Variants in PRRC2B observed in about 807,000 individuals in gnomAD.
PRRC2B encodes protein PRRC2B.
PRRC2B carries 68 observed loss-of-function variants against 242.3 expected under a neutral mutation model. The ratio of observed to expected loss-of-function variants is 0.28; its 90% CI spans 0.23 to 0.34. PRRC2B has a LOEUF of 0.34. PRRC2B is among the 10% of genes least tolerant of loss of function. The probability of loss-of-function intolerance (pLI) is 1.00; values close to 1 mark genes in which losing one functional copy is unlikely to be tolerated. For synonymous variants in PRRC2B, 1,228 were observed against 1,173.6 expected (o/e 1.05, Z -0.95); for missense variants, 2,835 against 2,954.8 (o/e 0.96, Z 0.94).
chr9:131,424,262 G>T (rs781021379), intron 1 of PRRC2B, among the ~76,000 whole-genome samples: 8 of 152,092 alleles, frequency 5.3e-5, no homozygotes, highest in Non-Finnish European at 1.0e-4. Flanking sequence ...TATTTCTGTG[G>T]CTGTCAGTTG....
chr9:131,401,243 AC>A (rs1400163431), intron 1 of PRRC2B, among the ~76,000 whole-genome samples: 1 of 152,110 alleles, frequency 6.6e-6, no homozygotes, highest in Non-Finnish European at 1.5e-5. Context: ...GGCGTGAAGC[AC>A]TTTCACAGTG....
chr9:131,458,276 C>T (rs935591524), intron 10 of PRRC2B, among the ~76,000 whole-genome samples: 1 of 152,090 alleles, frequency 6.6e-6, no homozygotes, highest in Non-Finnish European at 1.5e-5. Context: ...GGACACGCAC[C>T]TGGGAGTCCT....
At chr9:131,489,549 G>A (rs1008805191) in intron 28 of PRRC2B, among the ~76,000 whole-genome samples, 2 of 151,786 alleles carry the variant, frequency 1.3e-5, no homozygotes, top group South Asian at 2.1e-4. Flanking sequence ...CAGATCTGCC[G>A]AGCCACATGG....
chr9:131,483,697 G>A (rs142930358), intron 23 of PRRC2B, among the ~76,000 whole-genome samples: 1 of 152,244 alleles, frequency 6.6e-6, no homozygotes, highest in East Asian at 1.9e-4. Context: ...TGCCAGGTGC[G>A]AGCCCAGACT....
At chr9:131,382,908 G>A (rs1374262289) in intron 1 of PRRC2B, among the ~76,000 whole-genome samples, 1 of 152,024 alleles carries the variant, frequency 6.6e-6, no homozygotes, top group African/African-American at 2.4e-5. Flanking sequence ...GCTTCCCAAA[G>A]TGCTGGGATG....
chr9:131,434,736 G>T (rs549142894), intron 3 of PRRC2B, among the ~76,000 whole-genome samples: 73 of 152,294 alleles, frequency 4.8e-4, no homozygotes, highest in African/African-American at 1.7e-3. Flanking sequence ...TTCCCACCAG[G>T]GGGGTGGCTG....
At chr9:131,495,685 C>T in intron 31 of PRRC2B, 55 bp from the exon 32 acceptor site, 1 of 1,576,036 alleles carries the variant, frequency 6.3e-7, no homozygotes. Context: ...AACTATGTAT[C>T]CAAACACGTT....
Position 131,492,280 on chromosome 9 carries a change from A to T in PRRC2B, c.6473+20A>T, listed in dbSNP as rs1434460544. The T allele has an allele frequency of 1.3e-6, 2 of 1,595,296 alleles. No homozygotes were observed. The highest frequency in any genetic ancestry group is 1.7e-6 in the Non-Finnish European group (2 of 1,163,418). Reference sequence around the variant, plus strand: ...CTACAGGTAAAGCCACTCCCTGGGGACTGCGTGCTGTGTAGCTGAGCAGTT... The same window carrying T: ...CTACAGGTAAAGCCACTCCCTGGGGTCTGCGTGCTGTGTAGCTGAGCAGTT... On this transcript the variant is annotated intron_variant, in intron 30 of 31. Transcript: ENST00000683519.
In PRRC2B at chr9:131,476,149, A is replaced by C. The variant is rs764709260; in HGVS notation, c.4020A>C (p.Pro1340=). ...EEPHLLAGQW[P]GRPKLCSGDK... is the part of the protein sequence containing the mutation. ...CCCACCTGCTGGCAGGTCAGTGGCC[A>C]GGCAGGCCCAAACTGTGTTCTGGGG... Residue 1340 remains proline, a synonymous_variant, in exon 16 of 32, where the codon CCA becomes CCC. Coordinates refer to ENST00000683519, the MANE Select transcript of PRRC2B (RefSeq NM_013318.4). 1 of 1,612,166 alleles carries C rather than the reference A, an allele frequency of 6.2e-7. No homozygotes were observed. The highest frequency in any genetic ancestry group is 8.5e-7 in the Non-Finnish European group (1 of 1,178,990).
chr9:131,404,920 G>A (rs1008305783), intron 1 of PRRC2B, among the ~76,000 whole-genome samples: 6 of 152,226 alleles, frequency 3.9e-5, no homozygotes, highest in Admixed American at 3.3e-4. Flanking sequence ...ATGTAAGTGT[G>A]AGAATGTGGT....
intron 28 of PRRC2B, chr9:131,491,138 A>C (rs774787550): frequency 2.3e-5 from 9 of 393,222 alleles, no homozygotes; most frequent in Non-Finnish European, 3.2e-5. Flanking sequence ...GATGAGACAC[A>C]CTTAACGCTG....
chr9:131,440,246 C>T (rs966332201), intron 5 of PRRC2B, among the ~76,000 whole-genome samples: 1 of 152,138 alleles, frequency 6.6e-6, no homozygotes, highest in Non-Finnish European at 1.5e-5. Context: ...AGAGCATTCA[C>T]TGGACTTGTA....
At chr9:131,457,963 C>T (rs1943131192) in intron 10 of PRRC2B, among the ~76,000 whole-genome samples, 1 of 152,174 alleles carries the variant, frequency 6.6e-6, no homozygotes, top group Non-Finnish European at 1.5e-5. Flanking sequence ...TCTGCCATCC[C>T]TGATTCCCGC....
At chr9:131,451,262 G>T (rs1942909408) in intron 9 of PRRC2B, among the ~76,000 whole-genome samples, 1 of 152,154 alleles carries the variant, frequency 6.6e-6, no homozygotes, top group Non-Finnish European at 1.5e-5. Flanking sequence ...AGCCGGGCGT[G>T]TTGGCACGCG....
intron 1 of PRRC2B, among the ~76,000 whole-genome samples, chr9:131,416,938 AATAC>A (rs1408058241): frequency 6.6e-6 from 1 of 152,086 alleles, no homozygotes; most frequent in Non-Finnish European, 1.5e-5. Flanking sequence ...TTAATTTTAT[AATAC>A]ATATTTTTAA....
In PRRC2B at chr9:131,499,462, C is replaced by T. The variant is rs1944411575; in HGVS notation, c.*3588C>T. Reference sequence around the variant, plus strand: ...AAGACCAAGGATACCAGGATGTGTGCACTCTGTCGTGTTCTGTGATGAATG... The same window carrying T: ...AAGACCAAGGATACCAGGATGTGTGTACTCTGTCGTGTTCTGTGATGAATG... On this transcript the variant is annotated 3_prime_UTR_variant, in exon 32 of 32. Coordinates refer to ENST00000683519, the MANE Select transcript of PRRC2B (RefSeq NM_013318.4). 1 of 152,260 alleles carries T rather than the reference C, an allele frequency of 6.6e-6. No individual in the cohort carries two copies. 9.4% of individuals were successfully genotyped at this position (152,260 alleles called of 1,614,324 possible). A position where few individuals can be genotyped will look rare whatever the true frequency, so the allele number is the denominator to read the frequency against.
chr9:131,405,454 A>G (rs958316498), intron 1 of PRRC2B, among the ~76,000 whole-genome samples: 6 of 152,082 alleles, frequency 3.9e-5, no homozygotes, highest in African/African-American at 1.4e-4. Flanking sequence ...TGCTGTTAAT[A>G]TTCATTGCTG....
At chr9:131,381,999 C>T (rs1836767513) in intron 1 of PRRC2B, among the ~76,000 whole-genome samples, 1 of 151,558 alleles carries the variant, frequency 6.6e-6, no homozygotes, top group African/African-American at 2.4e-5. Flanking sequence ...CTTGGCCTCC[C>T]AGAGTTTCCA....
chr9:131,423,213 G>T (rs1305462432), intron 1 of PRRC2B, among the ~76,000 whole-genome samples: 1 of 152,208 alleles, frequency 6.6e-6, no homozygotes, highest in Non-Finnish European at 1.5e-5. Flanking sequence ...GACTTGGTGC[G>T]TCTATGCCGG....
Sources: gnomAD v4.1 joint callset for allele counts (sites outside exome capture counted in the v4.1 genomes callset) on GRCh38, gnomAD v4.1.1 for gene constraint, MANE v1.5 for transcripts, NCBI Gene and HGNC (gene_info 2026-07-23, HGNC 2026-07-21) for gene names.